NRXN3: variants seen among roughly 807,000 people sequenced by gnomAD.
The protein encoded by NRXN3 is neurexin 3.
NRXN3 carries 32 observed loss-of-function variants against 137.6 expected under a neutral mutation model. The observed-to-expected ratio is 0.23, with a 90% confidence interval of 0.18 to 0.31. The LOEUF is 0.31. Ranked by LOEUF, NRXN3 falls within the 10% of genes least tolerant of loss-of-function variation. The probability of loss-of-function intolerance (pLI) is 1.00; values close to 1 mark genes in which losing one functional copy is unlikely to be tolerated. For synonymous variants in NRXN3, 798 were observed against 784.5 expected (o/e 1.02, Z -0.29); for missense variants, 1,574 against 2,062.5 (o/e 0.76, Z 4.59).
intron 10 of NRXN3, among the ~76,000 whole-genome samples, chr14:78,870,366 G>GT (rs1320868163): frequency 1.3e-5 from 2 of 152,118 alleles, no homozygotes; most frequent in Non-Finnish European, 2.9e-5. Flanking sequence ...TAATCTATAA[G>GT]TTTTTTAAAA....
intron 4 of NRXN3, among the ~76,000 whole-genome samples, chr14:78,447,965 T>C (rs996711361): frequency 6.6e-6 from 1 of 152,224 alleles, no homozygotes; most frequent in Admixed American, 6.5e-5. Flanking sequence ...TTCAAAGTAT[T>C]GCATGAGCAG....
At chr14:78,649,201 G>A (rs1408674734) in intron 5 of NRXN3, 2 of 1,186,026 alleles carry the variant, frequency 1.7e-6, no homozygotes, top group African/African-American at 1.6e-5. Context: ...TTTGTTTTTA[G>A]TTTTTTTAAT....
chr14:78,294,927 T>C (rs1326249200), intron 3 of NRXN3, among the ~76,000 whole-genome samples: 1 of 152,244 alleles, frequency 6.6e-6, no homozygotes, highest in African/African-American at 2.4e-5. Flanking sequence ...ATTCAGTCTA[T>C]GCATGTGGTA....
At position 78,938,059 on chromosome 14, in the gene NRXN3, G is replaced by A. The variant is rs909737017; in HGVS notation, c.2276-19183G>A. On this transcript the variant is annotated intron_variant, in intron 10 of 20. Coordinates refer to ENST00000335750, the MANE Select transcript of NRXN3 (RefSeq NM_001330195.2). ...ATAACCAGGATATGAGTTGCTAATCGTTCATTTATTAATCTTCATGGAATT... is the reference window on the plus strand; with the variant it reads ...ATAACCAGGATATGAGTTGCTAATCATTCATTTATTAATCTTCATGGAATT... Among the ~76,000 whole-genome samples, 7 of 152,214 alleles carry A rather than the reference G, an allele frequency of 4.6e-5. No individual in the cohort carries two copies. In the East Asian group the frequency reaches 7.7e-4, roughly 17 times the overall value.
At chr14:78,794,283 G>C (rs2098814487) in intron 8 of NRXN3, among the ~76,000 whole-genome samples, 1 of 152,198 alleles carries the variant, frequency 6.6e-6, no homozygotes, top group African/African-American at 2.4e-5. Flanking sequence ...TCAGGAGGCT[G>C]AGGCTCAAGA....
At chr14:79,825,715 G>A (rs2099295741) in intron 20 of NRXN3, among the ~76,000 whole-genome samples, 1 of 152,132 alleles carries the variant, frequency 6.6e-6, no homozygotes, top group Non-Finnish European at 1.5e-5. Context: ...TATATAGTCT[G>A]AGACTTTTCT....
intron 1 of NRXN3, among the ~76,000 whole-genome samples, chr14:78,220,791 A>T (rs890352653): frequency 6.6e-6 from 1 of 152,048 alleles, no homozygotes; most frequent in African/African-American, 2.4e-5. Flanking sequence ...TTCATTGAGA[A>T]GGGAAGTAGG....
rs1202463044 is a variant in NRXN3 at position 78,918,306 on chromosome 14, AAGAGAG to A, written c.2276-38926_2276-38921del. 3.6e-5 allele frequency among the ~76,000 whole-genome samples: 5 copies of A among 138,800 alleles called. No homozygotes were observed. The South Asian group carries it at 1.2e-3, about 33-fold the overall frequency. 91.1% of individuals were successfully genotyped at this position (138,800 alleles called of 152,430 possible). The stretch of plus-strand genomic sequence containing the variant: ...ATCTCAAAAAAAAAAAAAAAAAAAA[AAGAGAG>A]AGAGAGAGAAAAGAAATATCTGTGT... On this transcript the variant is annotated intron_variant, in intron 10 of 20. Transcript: ENST00000335750.
chr14:79,768,754 C>T (rs375714498), intron 19 of NRXN3, among the ~76,000 whole-genome samples: 216 of 152,272 alleles, frequency 1.4e-3, no homozygotes, highest in Non-Finnish European at 2.5e-3. Context: ...TCACCAGCAA[C>T]GGAACAAAGC....
intron 16 of NRXN3, among the ~76,000 whole-genome samples, chr14:79,550,223 C>G (rs1345242397): frequency 6.6e-6 from 1 of 152,066 alleles, no homozygotes. Flanking sequence ...CCCGCCTCAG[C>G]CTTCCAAAGT....
intron 8 of NRXN3, among the ~76,000 whole-genome samples, chr14:78,799,734 A>ATGGCG (rs2098832862): frequency 6.6e-6 from 1 of 152,210 alleles, no homozygotes; most frequent in Non-Finnish European, 1.5e-5. Context: ...AATCACAATC[A>ATGGCG]TGGCGGAAGT....
intron 10 of NRXN3, among the ~76,000 whole-genome samples, chr14:78,823,233 G>C (rs2098956274): frequency 6.6e-6 from 1 of 152,142 alleles, no homozygotes; most frequent in Non-Finnish European, 1.5e-5. Flanking sequence ...ACCTTCTCTT[G>C]GTAATGCTGG....
At chr14:79,731,320 T>C (rs953097683) in intron 19 of NRXN3, among the ~76,000 whole-genome samples, 1 of 152,216 alleles carries the variant, frequency 6.6e-6, no homozygotes, top group Non-Finnish European at 1.5e-5. Context: ...TGCCTTTATT[T>C]TGAGCTGTGA....
chr14:78,950,347 T>C (rs1366500563), intron 10 of NRXN3, among the ~76,000 whole-genome samples: 1 of 152,180 alleles, frequency 6.6e-6, no homozygotes, highest in East Asian at 1.9e-4. Context: ...GGGACAATAT[T>C]CTTTTTCATC....
chr14:78,186,618 C>T (rs564922013), intron 1 of NRXN3, among the ~76,000 whole-genome samples: 14 of 152,300 alleles, frequency 9.2e-5, no homozygotes, highest in African/African-American at 2.2e-4. Context: ...GTCAATAGGA[C>T]GCTTTTTGTT....
At chr14:78,310,301 G>A (rs949201726) in intron 4 of NRXN3, among the ~76,000 whole-genome samples, 36 of 145,698 alleles carry the variant, frequency 2.5e-4, no homozygotes, top group Non-Finnish European at 4.6e-4. Context: ...TGAACATGTA[G>A]GTGAAGGAAT....
chr14:79,183,406 T>C (rs980678323), intron 15 of NRXN3, among the ~76,000 whole-genome samples: 6 of 152,214 alleles, frequency 3.9e-5, no homozygotes, highest in African/African-American at 1.4e-4. Context: ...TGTTTTCTAA[T>C]ACATCTTCAT....
At chr14:79,342,898 A>G (rs769289998) in intron 15 of NRXN3, among the ~76,000 whole-genome samples, 1 of 152,304 alleles carries the variant, frequency 6.6e-6, no homozygotes, top group East Asian at 1.9e-4. Context: ...GAGTTTTACT[A>G]TTACTCAAAT....
intron 4 of NRXN3, among the ~76,000 whole-genome samples, chr14:78,445,158 T>C (rs1306181249): frequency 6.6e-6 from 1 of 151,974 alleles, no homozygotes; most frequent in Non-Finnish European, 1.5e-5. Flanking sequence ...TGGGGAAATG[T>C]GGTTGCAAAG....
Sources: gnomAD v4.1 joint callset for allele counts (sites outside exome capture counted in the v4.1 genomes callset) on GRCh38, gnomAD v4.1.1 for gene constraint, MANE v1.5 for transcripts, NCBI Gene and HGNC (gene_info 2026-07-23, HGNC 2026-07-21) for gene names.